The following ADGRL2 variants were observed in gnomAD, a reference collection of about 807,000 sequenced individuals.
ADGRL2 encodes calcium-independent alpha-latrotoxin receptor 2.
ADGRL2 carries 44 observed loss-of-function variants against 157.4 expected under a neutral mutation model. The ratio of observed to expected loss-of-function variants is 0.28; its 90% confidence interval spans 0.22 to 0.36. The LOEUF (loss-of-function observed/expected upper bound fraction) is 0.36. ADGRL2 is among the 10% of genes least tolerant of loss of function. The pLI, the probability that ADGRL2 is intolerant of heterozygous loss-of-function variation, is 1.00. For synonymous variants in ADGRL2, 585 were observed against 624.7 expected, an observed-to-expected ratio of 0.94 and a Z score of 0.95; for missense variants, 1,510 against 1,768.9, an observed-to-expected ratio of 0.85 and a Z score of 2.63.
At chr1:81,751,879 A>G (rs1467755362) in intron 1 of ADGRL2, among the ~76,000 whole-genome samples, 1 of 152,264 alleles carries the variant, frequency 6.6e-6, no homozygotes, top group African/African-American at 2.4e-5. Flanking sequence ...TTGTTTCAAA[A>G]TAAGAAAATA....
At chr1:81,546,987 A>G (rs575339617) in intron 2 of ADGRL2, among the ~76,000 whole-genome samples, 10 of 152,286 alleles carry the variant, frequency 6.6e-5, no homozygotes, top group Admixed American at 2.0e-4. Context: ...CAGGGCCCCA[A>G]TAGCCATCTC....
At chr1:81,411,960 T>C (rs2076953440) in intron 1 of ADGRL2, among the ~76,000 whole-genome samples, 1 of 152,094 alleles carries the variant, frequency 6.6e-6, no homozygotes, top group African/African-American at 2.4e-5. Flanking sequence ...CAGATTCTGA[T>C]AGCTCTTAGA....
chr1:81,320,058 A>G (rs1294907245), intron 1 of ADGRL2, among the ~76,000 whole-genome samples: 2 of 152,198 alleles, frequency 1.3e-5, no homozygotes, highest in African/African-American at 2.4e-5. Context: ...GTAAGCTTAC[A>G]TAATATTCCA....
chr1:81,368,026 C>T (rs2076097459), intron 1 of ADGRL2, among the ~76,000 whole-genome samples: 2 of 152,132 alleles, frequency 1.3e-5, no homozygotes, highest in South Asian at 2.1e-4. Context: ...GATTTCGATT[C>T]CTTTGGGTAT....
intron 1 of ADGRL2, among the ~76,000 whole-genome samples, chr1:81,349,530 C>A (rs1425459837): frequency 6.6e-6 from 1 of 151,984 alleles, no homozygotes; most frequent in Admixed American, 6.6e-5. Flanking sequence ...GAATTTAGAA[C>A]TCTTTAAAGA....
Position 81,713,890 on chromosome 1 carries a change from C to T in ADGRL2, c.-143+14082C>T, listed in dbSNP as rs540698978. Among the ~76,000 whole-genome samples the T allele has an allele frequency of 5.4e-4, 82 of 152,222 alleles. 1 individual carries two copies. Among genetic ancestry groups the T allele is most frequent in the South Asian group, 2.3e-3 (11 of 4,810 alleles). On this transcript the variant is annotated intron_variant, in intron 1 of 20. Coordinates refer to the ADGRL2 transcript ENST00000359929. ...TCTCACACTGCTAATAAAGACATAC[C>T]GGAGACTGGGGAATTTATAAAGAAA...
At chr1:81,486,785 T>C (rs2078512461) in intron 2 of ADGRL2, among the ~76,000 whole-genome samples, 1 of 152,046 alleles carries the variant, frequency 6.6e-6, no homozygotes, top group Admixed American at 6.6e-5. Context: ...GTTTGACAGG[T>C]TTCCAAATGA....
At chr1:81,550,193 A>G (rs1273209992) in intron 2 of ADGRL2, among the ~76,000 whole-genome samples, 2 of 152,180 alleles carry the variant, frequency 1.3e-5, no homozygotes, top group East Asian at 3.9e-4. Context: ...ATTGTTTCTC[A>G]GGAAGGAATG....
At chr1:81,614,056 T>C (rs1484960654) in intron 3 of ADGRL2, among the ~76,000 whole-genome samples, 2 of 152,338 alleles carry the variant, frequency 1.3e-5, no homozygotes, top group East Asian at 3.9e-4. Flanking sequence ...CCTCTGGCAC[T>C]TCCCTCCCTG....
chr1:81,706,237 A>AT (rs1557582151), intron 1 of ADGRL2, among the ~76,000 whole-genome samples: 7 of 151,740 alleles, frequency 4.6e-5, no homozygotes, highest in Admixed American at 6.6e-5. Flanking sequence ...AAATAAAAAA[A>AT]TTTTTTTAAA....
At chr1:81,848,067 A>G (rs1021546270) in intron 2 of ADGRL2, among the ~76,000 whole-genome samples, 4 of 151,720 alleles carry the variant, frequency 2.6e-5, no homozygotes, top group Non-Finnish European at 5.9e-5. Flanking sequence ...ATTGTATAGA[A>G]TCAAAGATTT....
At chr1:81,840,994 A>C (rs1247899198) in intron 2 of ADGRL2, among the ~76,000 whole-genome samples, 1 of 152,154 alleles carries the variant, frequency 6.6e-6, no homozygotes, top group Non-Finnish European at 1.5e-5. Flanking sequence ...CTAGAGAATT[A>C]AATTATGCTG....
rs1409358853 is a variant in ADGRL2 at position 81,990,856 on chromosome 1, A to G, written c.4121A>G (p.Gln1374Arg). The G allele has an allele frequency of 1.2e-6, 2 of 1,614,096 alleles. No individual in the cohort carries two copies. The highest frequency in any genetic ancestry group is 2.2e-5 in the South Asian group (2 of 91,084). The change falls in exon 24 of 24, where the codon CAG becomes CGG. Residue 1374 changes from glutamine to arginine, a missense_variant. Gln to Arg is a conservative substitution (Grantham distance 43, BLOSUM62 1). Transcript: ENST00000686636. Reference protein sequence around the residue: ...QLTAEAEDHLQSPNRDSLYTS... With the variant: ...QLTAEAEDHLRSPNRDSLYTS... ...ACAGCAGAGGCTGAAGATCACCTAC[A>G]GTCCCCCAACAGAGACTCTCTTTAT...
At chr1:81,829,930 C>T (rs2091817898) in intron 1 of ADGRL2, among the ~76,000 whole-genome samples, 1 of 152,164 alleles carries the variant, frequency 6.6e-6, no homozygotes, top group African/African-American at 2.4e-5. Flanking sequence ...TGCACTTGAT[C>T]TGGATCTTGA....
chr1:81,747,253 G>A (rs1264302673), intron 1 of ADGRL2, among the ~76,000 whole-genome samples: 2 of 147,408 alleles, frequency 1.4e-5, no homozygotes, highest in Non-Finnish European at 3.0e-5. Context: ...GTATATGTGT[G>A]TATATATGTA....
At chr1:81,314,252 A>G (rs574493221) in intron 1 of ADGRL2, among the ~76,000 whole-genome samples, 2 of 152,324 alleles carry the variant, frequency 1.3e-5, no homozygotes, top group African/African-American at 4.8e-5. Context: ...TCTATGTCAT[A>G]AAGTGCAGAC....
intron 2 of ADGRL2, among the ~76,000 whole-genome samples, chr1:81,519,648 T>G (rs1045549618): frequency 2.0e-5 from 3 of 152,164 alleles, no homozygotes; most frequent in African/African-American, 7.2e-5. Context: ...GCAATGCATT[T>G]TACTATCTCC....
chr1:81,351,310 C>T (rs1193459348), intron 1 of ADGRL2, among the ~76,000 whole-genome samples: 3 of 151,462 alleles, frequency 2.0e-5, no homozygotes, highest in African/African-American at 7.3e-5. Flanking sequence ...CTAAAGCATA[C>T]AAAAATTAAA....
At chr1:81,439,600 C>A (rs764573775) in intron 1 of ADGRL2, among the ~76,000 whole-genome samples, 1 of 152,220 alleles carries the variant, frequency 6.6e-6, no homozygotes, top group Non-Finnish European at 1.5e-5. Flanking sequence ...AAACTCTGTG[C>A]GGGGCCCATG....
Sources: allele counts gnomAD v4.1 joint callset (sites outside exome capture counted in the v4.1 genomes callset), GRCh38; gene constraint gnomAD v4.1.1; transcripts MANE v1.5; gene names NCBI Gene and HGNC (gene_info 2026-07-23, HGNC 2026-07-21).